RNF114: variants seen among roughly 807,000 people sequenced by gnomAD.
The protein encoded by RNF114 is ring finger protein 114, also known as E3 ubiquitin-protein ligase RNF114.
RNF114 carries 6 observed loss-of-function variants against 28.4 expected under a neutral mutation model. The ratio of observed to expected loss-of-function variants is 0.21; its 90% CI spans 0.12 to 0.42. The LOEUF (loss-of-function observed/expected upper bound fraction) is 0.42, where lower values mean the gene tolerates loss of function less well. Ranked by LOEUF, RNF114 falls within the 10% of genes least tolerant of loss-of-function variation. RNF114 has a pLI of 1.00. For synonymous variants in RNF114, 115 were observed against 116.7 expected (o/e 0.99, Z 0.09); for missense variants, 249 against 311.7 (o/e 0.80, Z 1.51).
At chr20:49,949,436 G>A in intron 5 of RNF114, 81 bp downstream of exon 5, 1 of 1,176,418 alleles carries the variant, frequency 8.5e-7, no homozygotes, top group South Asian at 1.2e-5. Context: ...GGGAAATGGG[G>A]ATCCCCAGTG....
intron 1 of RNF114, among the ~76,000 whole-genome samples, chr20:49,939,081 G>T (rs2090297706): frequency 6.6e-6 from 1 of 152,152 alleles, no homozygotes; most frequent in Admixed American, 6.5e-5. Flanking sequence ...TCTGCACCCA[G>T]ATCTGTGTGG....
chr20:49,937,490 G>A (rs1357649254), intron 1 of RNF114, among the ~76,000 whole-genome samples: 1 of 152,096 alleles, frequency 6.6e-6, no homozygotes, highest in Non-Finnish European at 1.5e-5. Flanking sequence ...GGGGAGGGTT[G>A]GCAGCCATTT....
intron 4 of RNF114, among the ~76,000 whole-genome samples, chr20:49,947,483 CAATGCT>C (rs2090337539): frequency 2.0e-5 from 3 of 152,064 alleles, no homozygotes; most frequent in Non-Finnish European, 4.4e-5. Flanking sequence ...GGGCAGCTAT[CAATGCT>C]CATCTTAAGA....
rs369471076 is a variant in RNF114 at position 49,940,601 on chromosome 20, G to T, written c.141-960G>T. Among the ~76,000 whole-genome samples, 10 of 152,044 alleles carry T rather than the reference G, an allele frequency of 6.6e-5. 1 individual carries two copies. Among genetic ancestry groups the T allele is most frequent in the African/African-American group, 2.2e-4 (9 of 41,450 alleles). On this transcript the variant is annotated intron_variant, in intron 1 of 5. Coordinates refer to ENST00000244061, the MANE Select transcript of RNF114 (RefSeq NM_018683.4). ...AGCTAATTTTTGTATTTTTAGTAGAGACGGGGTTTCACTGTGTTAGCCAGG... is the reference window on the plus strand; with the variant it reads ...AGCTAATTTTTGTATTTTTAGTAGATACGGGGTTTCACTGTGTTAGCCAGG...
chr20:49,951,959 A>G, intron 5 of RNF114, 117 bp from the exon 6 acceptor site: 1 of 706,996 alleles, frequency 1.4e-6, no homozygotes, highest in Non-Finnish European at 2.6e-6. Flanking sequence ...TGCACTGGGG[A>G]TCCGGTCCCT....
At chr20:49,936,657 G>T (rs2090287859) in intron 1 of RNF114, 105 bp downstream of exon 1, 1 of 1,390,652 alleles carries the variant, frequency 7.2e-7, no homozygotes, top group African/African-American at 1.5e-5. Flanking sequence ...CCCACCCAGA[G>T]GGGCCTCCCG....
chr20:49,947,769 G>GTTTTTTTTTTTTTTTT lies in RNF114; in HGVS notation c.514-1454_514-1439dup, dbSNP rs71190519. Among the ~76,000 whole-genome samples the GTTTTTTTTTTTTTTTT allele has an allele frequency of 2.8e-4, 14 of 50,476 alleles. 5 individuals are homozygous for GTTTTTTTTTTTTTTTT. The highest frequency in any genetic ancestry group is 3.8e-4 in the Non-Finnish European group (11 of 28,800). The allele number at this position is 50,476 out of a possible 152,430, so 33.1% of individuals were successfully genotyped here. On this transcript the variant is annotated intron_variant, in intron 4 of 5. Transcript: ENST00000244061. ...GTTCTGTCTTCCTCTCCCTCTGCAA[G>GTTTTTTTTTTTTTTTT]TTTTTTTTTTTTTTTTTTTTTTTTT...
chr20:49,952,047 T>C (rs1180356156), intron 5 of RNF114, 29 bp from the exon 6 acceptor site: 9 of 1,572,770 alleles, frequency 5.7e-6, no homozygotes, highest in Non-Finnish European at 7.9e-6. Context: ...AAACAGTTGC[T>C]GAGGCTGCAT....
chr20:49,948,475 G>C (rs1002805190), intron 4 of RNF114, among the ~76,000 whole-genome samples: 9 of 149,428 alleles, frequency 6.0e-5, no homozygotes, highest in African/African-American at 2.2e-4. Context: ...CTGTCACCCA[G>C]GCTGGAGGCT....
Position 49,941,672 on chromosome 20 carries a change from C to T in RNF114, c.252C>T (p.Ile84=), listed in dbSNP as rs368302536. The T allele has an allele frequency of 1.4e-4, 231 of 1,612,640 alleles. No individual in the cohort carries two copies. The highest frequency in any genetic ancestry group is 1.8e-4 in the Non-Finnish European group (215 of 1,179,664). Residue 84 remains isoleucine (I), a synonymous_variant, in exon 2 of 6, where the codon ATC becomes ATT. Coordinates refer to ENST00000244061, the MANE Select transcript of RNF114 (RefSeq NM_018683.4). ...GAGCCGTGGAGCTCGAGCGGCAGAT[C>T]GAGAGCACAGAGACTTCTTGCCATG... ...GVRAVELERQ[I]ESTETSCHGC... is the part of the protein sequence containing the mutation.
Position 49,952,543 on chromosome 20 carries a change from C to T in RNF114, c.*402C>T, listed in dbSNP as rs2090358953. 1 of 331,738 alleles carries T rather than the reference C, an allele frequency of 3.0e-6. No homozygotes were observed. The highest frequency in any genetic ancestry group is 4.4e-5 in the Admixed American group (1 of 22,600). The allele number at this position is 331,738 out of a possible 1,614,324, so 20.5% of individuals were successfully genotyped here. ...CTGGGTCATGAATAGCACAATGAAGCAAGTGTCTCCTTTCCTTGTCCCCAA... is the reference window on the plus strand; with the variant it reads ...CTGGGTCATGAATAGCACAATGAAGTAAGTGTCTCCTTTCCTTGTCCCCAA... On this transcript the variant is annotated 3_prime_UTR_variant, in exon 6 of 6. Transcript: ENST00000244061.
At chr20:49,950,883 C>A (rs1005474741) in intron 5 of RNF114, among the ~76,000 whole-genome samples, 6 of 152,208 alleles carry the variant, frequency 3.9e-5, no homozygotes, top group East Asian at 3.9e-4. Flanking sequence ...TTCTCCACCC[C>A]CCATGCCCAA....
chr20:49,939,852 C>T (rs909451701), intron 1 of RNF114, among the ~76,000 whole-genome samples: 5 of 151,580 alleles, frequency 3.3e-5, no homozygotes, highest in Non-Finnish European at 7.4e-5. Context: ...GTCAGGAGTT[C>T]GAGACCAGCC....
chr20:49,945,388 C>G lies in RNF114; in HGVS notation c.298C>G (p.Leu100Val), dbSNP rs745889856. The part of the protein sequence containing the change: ...SCHGCRKNFF[L>V]SKIRSHVATC... ...CTGATTCTTCCTATTTGAGTTCTTC[C>G]TGTCCAAGATCCGGTCCCACGTGGC... Residue 100 changes from leucine to valine, a missense_variant, in exon 3 of 6, where the codon CTG (leucine) becomes GTG (valine). By Grantham distance (32) the Leu-to-Val change is conservative. Coordinates refer to ENST00000244061, the MANE Select transcript of RNF114 (RefSeq NM_018683.4). 3 of 1,608,318 alleles carry G rather than the reference C, an allele frequency of 1.9e-6. No homozygotes were observed. Among genetic ancestry groups the G allele is most frequent in the South Asian group, 1.1e-5 (1 of 90,970 alleles).
Position 49,949,319 on chromosome 20 carries a change from C to T in RNF114, c.585C>T (p.Ile195=). ...GCAGCGCCAACTTCAGAGAGCACAT[C>T]CAGCGCCGGCACCGGTTTTCTTATG... The part of the protein sequence containing the change: ...NYRSANFREH[I]QRRHRFSYDT... Residue 195 remains isoleucine, a synonymous_variant, in exon 5 of 6, where the codon ATC becomes ATT. Transcript: ENST00000244061. 1 of 1,614,120 alleles carries T rather than the reference C, an allele frequency of 6.2e-7. No individual in the cohort carries two copies. The highest frequency in any genetic ancestry group is 2.2e-5 in the East Asian group (1 of 44,882).
Position 49,951,865 on chromosome 20 carries a change from G to A in RNF114, c.622-211G>A, listed in dbSNP as rs901732159. 4.0e-5 allele frequency among the ~76,000 whole-genome samples: 6 copies of A among 151,882 alleles called. No homozygotes were observed. The South Asian group carries it at 6.2e-4, about 16-fold the overall frequency. On this transcript the variant is annotated intron_variant, in intron 5 of 5. Coordinates refer to ENST00000244061, the MANE Select transcript of RNF114 (RefSeq NM_018683.4). ...CTGCACTCCAGCCTGGCAACAGAGC[G>A]AGACTCCATCAAATAAAAAAAAAGA...
chr20:49,943,708 G>C (rs1007164388), intron 2 of RNF114, among the ~76,000 whole-genome samples: 7 of 125,712 alleles, frequency 5.6e-5, no homozygotes, highest in African/African-American at 1.8e-4. Flanking sequence ...GCCCAGGCTG[G>C]AGTACAGTGG....
chr20:49,939,011 A>G (rs1416840315), intron 1 of RNF114, among the ~76,000 whole-genome samples: 1 of 151,858 alleles, frequency 6.6e-6, no homozygotes, highest in African/African-American at 2.4e-5. Context: ...ATGGCCCCCA[A>G]GGTCTGCCTG....
At chr20:49,947,980 C>T (rs1224388216) in intron 4 of RNF114, among the ~76,000 whole-genome samples, 6 of 151,270 alleles carry the variant, frequency 4.0e-5, no homozygotes, top group Admixed American at 1.3e-4. Flanking sequence ...ATGGTAGAGA[C>T]GGGGTTTCAC....
Sources: gnomAD v4.1 joint callset for allele counts (sites outside exome capture counted in the v4.1 genomes callset) on GRCh38, gnomAD v4.1.1 for gene constraint, MANE v1.5 for transcripts, NCBI Gene and HGNC (gene_info 2026-07-23, HGNC 2026-07-21) for gene names.